Variants in AGBL1 observed in about 807,000 individuals in gnomAD.
AGBL1 encodes AGBL carboxypeptidase 1.
A neutral mutation model predicts 118.9 loss-of-function variants in AGBL1; 130 were observed. The ratio of observed to expected loss-of-function variants is 1.09; its 90% CI spans 0.95 to 1.26. AGBL1 has a LOEUF of 1.26. AGBL1 is among the 50% of genes most tolerant of loss of function. The pLI is 0.00. For synonymous variants in AGBL1, 555 were observed against 478.9 expected, an observed-to-expected ratio of 1.16 and a Z score of -2.08; for missense variants, 1,584 against 1,298.1, an observed-to-expected ratio of 1.22 and a Z score of -3.38.
At chr15:86,962,207 G>T (rs2080999818) in intron 23 of AGBL1, among the ~76,000 whole-genome samples, 1 of 150,852 alleles carries the variant, frequency 6.6e-6, no homozygotes. Context: ...ACACAAAAGT[G>T]TTAAATGTAA....
chr15:86,395,932 T>G (rs2081353419), intron 17 of AGBL1, among the ~76,000 whole-genome samples: 1 of 151,992 alleles, frequency 6.6e-6, no homozygotes, highest in African/African-American at 2.4e-5. Flanking sequence ...AAACACAGTT[T>G]GTATCTTCAA....
intron 22 of AGBL1, among the ~76,000 whole-genome samples, chr15:86,780,639 T>C (rs2078322727): frequency 1.3e-5 from 2 of 150,880 alleles, no homozygotes; most frequent in Non-Finnish European, 1.5e-5. Context: ...TTTCAATTAA[T>C]TGGGTCTTCT....
chr15:86,160,651 A>G (rs1418659917), intron 5 of AGBL1, among the ~76,000 whole-genome samples: 3 of 152,192 alleles, frequency 2.0e-5, no homozygotes, highest in Non-Finnish European at 2.9e-5. Context: ...TTTCTGCCCT[A>G]TTCACAAGGC....
At chr15:86,568,263 A>G (rs1214640676) in intron 21 of AGBL1, among the ~76,000 whole-genome samples, 1 of 152,130 alleles carries the variant, frequency 6.6e-6, no homozygotes, top group Non-Finnish European at 1.5e-5. Context: ...TTAAGAACAG[A>G]TATATATAAA....
chr15:86,093,912 A>G (rs898255231), intron 1 of AGBL1, among the ~76,000 whole-genome samples: 1 of 152,198 alleles, frequency 6.6e-6, no homozygotes, highest in East Asian at 1.9e-4. Flanking sequence ...TAGCAACAGC[A>G]TCTTACTGAA....
At chr15:86,638,866 C>T (rs1354037491) in intron 21 of AGBL1, among the ~76,000 whole-genome samples, 2 of 152,150 alleles carry the variant, frequency 1.3e-5, no homozygotes, top group Non-Finnish European at 1.5e-5. Context: ...CTTTCAGGAC[C>T]TTTCACAGGC....
intron 19 of AGBL1, among the ~76,000 whole-genome samples, chr15:86,539,169 C>G (rs536693891): frequency 1.3e-5 from 2 of 152,182 alleles, no homozygotes; most frequent in Non-Finnish European, 2.9e-5. Context: ...ACTAAACACT[C>G]CAGCTCAAAG....
At chr15:86,163,207 C>T (rs1343679181) in intron 5 of AGBL1, among the ~76,000 whole-genome samples, 4 of 152,140 alleles carry the variant, frequency 2.6e-5, no homozygotes, top group Non-Finnish European at 4.4e-5. Context: ...GAGGCAAAGG[C>T]GGGAGGACCG....
At chr15:86,855,995 G>A (rs2079474836) in intron 22 of AGBL1, among the ~76,000 whole-genome samples, 1 of 152,156 alleles carries the variant, frequency 6.6e-6, no homozygotes, top group East Asian at 1.9e-4. Flanking sequence ...AGATTAGTAA[G>A]GACATTACAT....
chr15:86,438,113 C>T (rs12440584), intron 18 of AGBL1, among the ~76,000 whole-genome samples: 16,938 of 151,936 alleles, frequency 0.11, 1,031 homozygotes, highest in South Asian at 0.17. Flanking sequence ...TCACCATGTT[C>T]GTCAGGTTGG....
At chr15:86,311,383 A>G (rs1199081750) in intron 17 of AGBL1, among the ~76,000 whole-genome samples, 1 of 152,196 alleles carries the variant, frequency 6.6e-6, no homozygotes, top group Non-Finnish European at 1.5e-5. Flanking sequence ...GTTTGCTATA[A>G]TGGATAATAT....
chr15:86,528,831 C>A (rs1211297526), intron 19 of AGBL1, among the ~76,000 whole-genome samples: 1 of 13,008 alleles, frequency 7.7e-5, no homozygotes, highest in Non-Finnish European at 1.4e-4. Flanking sequence ...CTGGGAGGCA[C>A]CCCCCAGCAG....
intron 19 of AGBL1, among the ~76,000 whole-genome samples, chr15:86,532,365 T>C (rs2083362438): frequency 6.7e-6 from 1 of 149,934 alleles, no homozygotes; most frequent in Non-Finnish European, 1.5e-5. Context: ...TCACAATTGC[T>C]TCAAAGAGAA....
At chr15:86,992,713 ATT>A (rs201562207) in intron 24 of AGBL1, among the ~76,000 whole-genome samples, 14,228 of 144,696 alleles carry the variant, frequency 0.098, 1,131 homozygotes, top group African/African-American at 0.23. Context: ...GGAAGTCTGG[ATT>A]TTTTTTTTTT....
intron 21 of AGBL1, among the ~76,000 whole-genome samples, chr15:86,611,349 A>G (rs935233821): frequency 1.3e-5 from 2 of 152,212 alleles, no homozygotes; most frequent in Non-Finnish European, 2.9e-5. Flanking sequence ...ATTAGCAGAC[A>G]CCCCAACCAC....
At chr15:86,170,941 C>T (rs72750302) in intron 5 of AGBL1, among the ~76,000 whole-genome samples, 17,734 of 150,322 alleles carry the variant, frequency 0.12, 1,119 homozygotes, top group Middle Eastern at 0.21. Flanking sequence ...GCATTATGTA[C>T]ACAGAAACAA....
At chr15:86,411,262 C>T (rs185075269) in intron 18 of AGBL1, among the ~76,000 whole-genome samples, 4 of 151,976 alleles carry the variant, frequency 2.6e-5, no homozygotes, top group South Asian at 2.1e-4. Flanking sequence ...CTTCCCCAGC[C>T]GGGGGACTGC....
intron 21 of AGBL1, among the ~76,000 whole-genome samples, chr15:86,565,019 G>T (rs1236324894): frequency 6.6e-6 from 1 of 152,122 alleles, no homozygotes; most frequent in Non-Finnish European, 1.5e-5. Context: ...AGTTATTCTA[G>T]TTAGCCATTT....
chr15:86,154,790 A>G (rs1379838171), intron 4 of AGBL1, among the ~76,000 whole-genome samples: 1 of 152,086 alleles, frequency 6.6e-6, no homozygotes, highest in East Asian at 1.9e-4. Context: ...CTAGAGATGG[A>G]CTTCAATATT....
Sources: allele counts gnomAD v4.1 joint callset (sites outside exome capture counted in the v4.1 genomes callset), GRCh38; gene constraint gnomAD v4.1.1; transcripts MANE v1.5; gene names NCBI Gene and HGNC (gene_info 2026-07-23, HGNC 2026-07-21).